HPCAL1: variants seen among roughly 807,000 people sequenced by gnomAD.
The protein encoded by HPCAL1 is hippocalcin-like protein 1.
In HPCAL1, 8 loss-of-function variants were observed where a neutral mutation model predicts 17.1. The ratio of observed to expected loss-of-function variants is 0.47; its 90% CI spans 0.27 to 0.84. HPCAL1 has a LOEUF of 0.84. Among genes scored for constraint, HPCAL1 ranks in the 40% least tolerant of loss-of-function variants. The pLI, the probability that HPCAL1 is intolerant of heterozygous loss-of-function variation, is 0.13. For synonymous variants in HPCAL1, 112 were observed against 111.4 expected, an observed-to-expected ratio of 1.01 and a Z score of -0.03; for missense variants, 165 against 271.1, an observed-to-expected ratio of 0.61 and a Z score of 2.75.
chr2:10,366,288 T>C (rs542072801), intron 1 of HPCAL1, among the ~76,000 whole-genome samples: 1 of 152,280 alleles, frequency 6.6e-6, no homozygotes, highest in Non-Finnish European at 1.5e-5. Flanking sequence ...CAGGCTGGAG[T>C]GCAGTGGTGC....
intron 1 of HPCAL1, among the ~76,000 whole-genome samples, chr2:10,375,149 G>C (rs371896800): frequency 6.6e-6 from 1 of 152,212 alleles, no homozygotes; most frequent in East Asian, 1.9e-4. Context: ...CAGTCCTGTC[G>C]GGAGAGGTAA....
chr2:10,339,971 C>A (rs935791323), intron 1 of HPCAL1, among the ~76,000 whole-genome samples: 1 of 152,200 alleles, frequency 6.6e-6, no homozygotes, highest in African/African-American at 2.4e-5. Context: ...GGAGGGGATT[C>A]TTGGTTAGTC....
rs894282260 is a variant in HPCAL1 at position 10,344,715 on chromosome 2, GTGTC to G, written c.-111+41552_-111+41555del. The stretch of plus-strand genomic sequence containing the variant: ...TTGCTCTGTCTCTGTCTCTTTCTCT[GTGTC>G]TGTCTGTCTGTCTCTATGTGTCTGT... On this transcript the variant is annotated intron_variant, in intron 1 of 4. Transcript: ENST00000307845. This position sits in a 1 kb window ranked among gnomAD's most constrained non-coding sequence, Gnocchi z 4.9. Among the ~76,000 whole-genome samples, 2 of 151,984 alleles carry G rather than the reference GTGTC, an allele frequency of 1.3e-5. No homozygotes were observed. The highest frequency in any genetic ancestry group is 2.9e-5 in the Non-Finnish European group (2 of 67,998).
chr2:10,401,534 C>T (rs749490424), intron 2 of HPCAL1, among the ~76,000 whole-genome samples: 17 of 151,746 alleles, frequency 1.1e-4, no homozygotes, highest in Admixed American at 5.3e-4. Flanking sequence ...CCGCGGTGGC[C>T]GAAGATCCAC....
At chr2:10,366,466 C>T (rs533413746) in intron 1 of HPCAL1, among the ~76,000 whole-genome samples, 2 of 152,286 alleles carry the variant, frequency 1.3e-5, no homozygotes, top group Non-Finnish European at 2.9e-5. Context: ...GAACTCCTGA[C>T]CTCAGGGGAT....
At chr2:10,332,226 C>T (rs981962840) in intron 1 of HPCAL1, among the ~76,000 whole-genome samples, 1 of 152,212 alleles carries the variant, frequency 6.6e-6, no homozygotes, top group Admixed American at 6.5e-5. Context: ...CTGCTCTCTC[C>T]ACCCACCCAT....
intron 1 of HPCAL1, among the ~76,000 whole-genome samples, chr2:10,393,841 G>A (rs1031877227): frequency 3.9e-5 from 6 of 152,020 alleles, no homozygotes; most frequent in South Asian, 2.1e-4. Context: ...AGGCCCGGGC[G>A]TGGTGGCTCA....
At chr2:10,356,641 C>CCCACACACCACA (rs1666177397) in intron 1 of HPCAL1, among the ~76,000 whole-genome samples, 1 of 152,262 alleles carries the variant, frequency 6.6e-6, no homozygotes, top group South Asian at 2.1e-4. Context: ...GGCCCCGTGC[C>CCCACACACCACA]CCACACACCA....
chr2:10,329,539 C>T (rs1376291084), intron 1 of HPCAL1, among the ~76,000 whole-genome samples: 1 of 152,260 alleles, frequency 6.6e-6, no homozygotes, highest in Admixed American at 6.5e-5. Flanking sequence ...CAGATCCACC[C>T]TTAGGTCCCC....
intron 1 of HPCAL1, among the ~76,000 whole-genome samples, chr2:10,325,114 T>G (rs141612635): frequency 2.0e-5 from 3 of 151,910 alleles, no homozygotes; most frequent in Non-Finnish European, 4.4e-5. Flanking sequence ...ATTACAGGCG[T>G]GAGCCACTGT....
At chr2:10,333,028 G>T (rs1664485279) in intron 1 of HPCAL1, among the ~76,000 whole-genome samples, 1 of 151,822 alleles carries the variant, frequency 6.6e-6, no homozygotes, top group South Asian at 2.1e-4. Flanking sequence ...AGATTTCAGG[G>T]CTCACTGGAT....
At position 10,395,158 on chromosome 2, in the gene HPCAL1, A is replaced by T. The variant is rs1235697617; in HGVS notation, c.-110-1677A>T. 6.9e-6 allele frequency among the ~76,000 whole-genome samples: 1 copy of T among 144,554 alleles called. No homozygotes were observed. Among genetic ancestry groups the T allele is most frequent in the Non-Finnish European group, 1.5e-5 (1 of 65,604 alleles). The allele number at this position is 144,554 out of a possible 152,430, so 94.8% of individuals were successfully genotyped here. On this transcript the variant is annotated intron_variant, in intron 1 of 4. Coordinates refer to ENST00000307845, the MANE Select transcript of HPCAL1 (RefSeq NM_002149.4). The surrounding 1 kb of genome is among the most constrained non-coding windows in gnomAD (Gnocchi z 4.4). The stretch of plus-strand genomic sequence containing the variant: ...CACACACACACACACACACACACAC[A>T]CTGCTATCTTAAAAGCATAGGGACC...
In HPCAL1 at chr2:10,399,234, A is replaced by G. The variant is rs750307210; in HGVS notation, c.-25+2314A>G. Among the ~76,000 whole-genome samples the G allele has an allele frequency of 9.6e-3, 427 of 44,688 alleles. 17 individuals carry two copies. The highest frequency in any genetic ancestry group is 0.03 in the African/African-American group (306 of 10,066). The allele number at this position is 44,688 out of a possible 152,430, so 29.3% of individuals were successfully genotyped here. A position where few individuals can be genotyped will look rare whatever the true frequency, so the allele number is the denominator to read the frequency against. ...CACCACCACCACCACCACCACCACC[A>G]CCACCATCACCACCACCACCACCAC... On this transcript the variant is annotated intron_variant, in intron 2 of 4. Transcript: ENST00000307845.
At chr2:10,404,058 T>G (rs900477547) in intron 2 of HPCAL1, among the ~76,000 whole-genome samples, 7 of 152,198 alleles carry the variant, frequency 4.6e-5, no homozygotes, top group African/African-American at 1.7e-4. Context: ...TCCATAATGT[T>G]CTCTATCATT....
At chr2:10,400,773 ACACACACG>A (rs1669554015) in intron 2 of HPCAL1, among the ~76,000 whole-genome samples, 1 of 58,292 alleles carries the variant, frequency 1.7e-5, no homozygotes. Flanking sequence ...ATGCACACAT[ACACACACG>A]CACACACATA....
chr2:10,321,117 A>G (rs1175458104), intron 1 of HPCAL1, among the ~76,000 whole-genome samples: 1 of 152,146 alleles, frequency 6.6e-6, no homozygotes, highest in African/African-American at 2.4e-5. Flanking sequence ...CTCAACTTCT[A>G]AGGTGGCCTT....
chr2:10,352,624 G>A (rs150298128), intron 1 of HPCAL1, among the ~76,000 whole-genome samples: 68 of 152,310 alleles, frequency 4.5e-4, no homozygotes, highest in African/African-American at 1.6e-3. Context: ...TGGTTCCTTG[G>A]TTGGGCCACG....
intron 1 of HPCAL1, among the ~76,000 whole-genome samples, chr2:10,339,641 G>A (rs920759371): frequency 2.0e-5 from 3 of 152,276 alleles, no homozygotes; most frequent in South Asian, 2.1e-4. Flanking sequence ...GAGCCACCGC[G>A]CCCAGCCATA....
At chr2:10,357,496 C>T (rs903095773) in intron 1 of HPCAL1, among the ~76,000 whole-genome samples, 2 of 152,138 alleles carry the variant, frequency 1.3e-5, no homozygotes, top group Non-Finnish European at 2.9e-5. Context: ...CTGTGGGGCT[C>T]GGCCATGGCA....
Sources: allele counts gnomAD v4.1 joint callset (sites outside exome capture counted in the v4.1 genomes callset), GRCh38; gene constraint gnomAD v4.1.1; non-coding constraint Gnocchi (gnomAD v3.1); transcripts MANE v1.5; gene names NCBI Gene and HGNC (gene_info 2026-07-23, HGNC 2026-07-21).